Variants in ATP8A2 observed in about 807,000 individuals in gnomAD.
ATP8A2 encodes the protein ATPase phospholipid transporting 8A2, also known as phospholipid-transporting ATPase IB.
ATP8A2 carries 100 observed loss-of-function variants against 165.6 expected under a neutral mutation model. The ratio of observed to expected loss-of-function variants is 0.60; its 90% confidence interval spans 0.51 to 0.71. ATP8A2 has a LOEUF of 0.71. Ranked by LOEUF, ATP8A2 falls within the 30% of genes least tolerant of loss-of-function variation. The pLI, the probability that ATP8A2 is intolerant of heterozygous loss-of-function variation, is 0.00. For synonymous variants in ATP8A2, 543 were observed against 548.8 expected (o/e 0.99, Z 0.15); for missense variants, 1,227 against 1,479.5 (o/e 0.83, Z 2.80).
At chr13:25,755,984 G>C (rs771388520) in intron 25 of ATP8A2, among the ~76,000 whole-genome samples, 56 of 152,134 alleles carry the variant, frequency 3.7e-4, no homozygotes, top group Non-Finnish European at 7.6e-4. Context: ...ACAGGGACAC[G>C]TCAGCCAAGA....
At chr13:25,846,628 C>A (rs1951870576) in intron 30 of ATP8A2, among the ~76,000 whole-genome samples, 1 of 152,050 alleles carries the variant, frequency 6.6e-6, no homozygotes, top group African/African-American at 2.4e-5. Context: ...AATAAATGAG[C>A]CTTTTGGAGG....
At chr13:25,920,408 C>G (rs1954414007) in intron 33 of ATP8A2, among the ~76,000 whole-genome samples, 1 of 152,212 alleles carries the variant, frequency 6.6e-6, no homozygotes. Context: ...TATTAACACA[C>G]ACACACACAT....
At chr13:25,863,568 T>C (rs1250399095) in intron 33 of ATP8A2, 1 of 152,228 alleles carries the variant, frequency 6.6e-6, no homozygotes, top group Non-Finnish European at 1.5e-5. Flanking sequence ...ATACATACTT[T>C]AGGGCCAGGC....
intron 27 of ATP8A2, among the ~76,000 whole-genome samples, chr13:25,794,082 A>G (rs1950447491): frequency 6.6e-6 from 1 of 152,146 alleles, no homozygotes; most frequent in African/African-American, 2.4e-5. Flanking sequence ...TTTGTTTTTG[A>G]GATGGGGAGA....
At chr13:26,015,866 G>T (rs1236120302) in intron 36 of ATP8A2, among the ~76,000 whole-genome samples, 1 of 152,214 alleles carries the variant, frequency 6.6e-6, no homozygotes, top group East Asian at 1.9e-4. Context: ...GGAGTGCAAA[G>T]AGCTGGAGGC....
In ATP8A2 at chr13:25,957,843, T is replaced by C. The variant is rs564914395; in HGVS notation, c.3184-3732T>C. ...TTGTTTATTGCAGCACTCTTCACAA[T>C]AGCAAAGACTTGGAACCAACCCAAA... On this transcript the variant is annotated intron_variant, in intron 33 of 36. Transcript: ENST00000381655. Among the ~76,000 whole-genome samples the C allele has an allele frequency of 7.3e-4, 111 of 152,202 alleles. No homozygotes were observed. In the South Asian group the frequency reaches 0.011, roughly 15 times the overall value.
chr13:25,828,200 T>A lies in ATP8A2; in HGVS notation c.2754+8T>A, dbSNP rs1328581029. 6.2e-7 allele frequency: 1 copy of A among 1,607,534 alleles called. No homozygotes were observed. On this transcript the variant is annotated splice_region_variant and intron_variant, in intron 28 of 36. Transcript: ENST00000381655. The stretch of plus-strand genomic sequence containing the variant: ...ATCGGCCTGTACAATGTGGTAAGCA[T>A]TCTTCATCTCTATCTGATAGCATGC...
At chr13:25,939,924 G>C (rs575789541) in intron 33 of ATP8A2, among the ~76,000 whole-genome samples, 2 of 152,250 alleles carry the variant, frequency 1.3e-5, no homozygotes, top group Non-Finnish European at 1.5e-5. Flanking sequence ...ATTTCTTCTT[G>C]TCCTTAACTC....
intron 27 of ATP8A2, among the ~76,000 whole-genome samples, chr13:25,823,561 G>A (rs1164565189): frequency 1.3e-5 from 2 of 152,084 alleles, no homozygotes; most frequent in Non-Finnish European, 2.9e-5. Context: ...CTAAGGACTT[G>A]TAAACATCTT....
chr13:25,790,710 T>C (rs1054367478), intron 27 of ATP8A2, among the ~76,000 whole-genome samples: 4 of 142,814 alleles, frequency 2.8e-5, no homozygotes, highest in African/African-American at 1.0e-4. Flanking sequence ...AAAAAAAAAA[T>C]AAGCAAAGAA....
intron 18 of ATP8A2, among the ~76,000 whole-genome samples, chr13:25,574,423 G>A (rs1246879822): frequency 6.6e-6 from 1 of 152,204 alleles, no homozygotes; most frequent in Non-Finnish European, 1.5e-5. Flanking sequence ...GATGTGTTGT[G>A]TACCAGCATG....
chr13:25,861,258 T>A (rs958674675), intron 32 of ATP8A2, among the ~76,000 whole-genome samples: 1 of 152,144 alleles, frequency 6.6e-6, no homozygotes, highest in Non-Finnish European at 1.5e-5. Flanking sequence ...TGTCTGCATG[T>A]GTGTGTATTT....
chr13:25,838,829 G>A (rs926990738), intron 29 of ATP8A2, among the ~76,000 whole-genome samples: 3 of 152,060 alleles, frequency 2.0e-5, no homozygotes, highest in East Asian at 1.9e-4. Flanking sequence ...CGTGAGCAAC[G>A]CAGAAGACAG....
At chr13:25,468,724 C>A in intron 1 of ATP8A2, 1 of 577,068 alleles carries the variant, frequency 1.7e-6, no homozygotes, top group Non-Finnish European at 2.2e-6. Context: ...TCTCCCGGGG[C>A]GGGGCTCGCT....
At chr13:25,591,953 C>T (rs145627201) in intron 24 of ATP8A2, among the ~76,000 whole-genome samples, 15 of 151,898 alleles carry the variant, frequency 9.9e-5, no homozygotes, top group African/African-American at 3.1e-4. Flanking sequence ...TTTTGAGGAA[C>T]AGCCATACTG....
chr13:25,783,827 T>C (rs1484472895), intron 27 of ATP8A2, among the ~76,000 whole-genome samples: 1 of 152,184 alleles, frequency 6.6e-6, no homozygotes, highest in South Asian at 2.1e-4. Flanking sequence ...TGCATTATGC[T>C]GCGGTTTTAT....
chr13:25,383,109 G>A (rs1469665016), intron 1 of ATP8A2, among the ~76,000 whole-genome samples: 3 of 150,430 alleles, frequency 2.0e-5, no homozygotes, highest in Non-Finnish European at 4.4e-5. Flanking sequence ...TCAGTGGCAC[G>A]ATCTCAGCTC....
At chr13:25,752,641 G>T (rs1247437875) in intron 25 of ATP8A2, among the ~76,000 whole-genome samples, 1 of 152,114 alleles carries the variant, frequency 6.6e-6, no homozygotes, top group Non-Finnish European at 1.5e-5. Context: ...TAGAGACAGG[G>T]TCTCACTATG....
At position 25,571,695 on chromosome 13, in the gene ATP8A2, G is replaced by T; in HGVS notation, c.1662+3G>T. 1 of 1,613,124 alleles carries T rather than the reference G, an allele frequency of 6.2e-7. No homozygotes were observed. Among genetic ancestry groups the T allele is most frequent in the South Asian group, 1.1e-5 (1 of 91,056 alleles). On this transcript the variant is annotated splice_donor_region_variant and intron_variant, in intron 18 of 36. Coordinates refer to ENST00000381655, the MANE Select transcript of ATP8A2 (RefSeq NM_016529.6). ...CATTCTCAGTCATCATAGAAGCGGT[G>T]AGTAACATGCGTGTGCACATTTCAG...
Sources: gnomAD v4.1 joint callset for allele counts (sites outside exome capture counted in the v4.1 genomes callset) on GRCh38, gnomAD v4.1.1 for gene constraint, MANE v1.5 for transcripts, NCBI Gene and HGNC (gene_info 2026-07-23, HGNC 2026-07-21) for gene names.